ADGRG5: variants seen among roughly 807,000 people sequenced by gnomAD.
ADGRG5 encodes the protein adhesion G protein-coupled receptor G5.
A neutral mutation model predicts 53.2 loss-of-function variants in ADGRG5; 37 were observed. The ratio of observed to expected loss-of-function variants is 0.70; its 90% confidence interval spans 0.53 to 0.91. ADGRG5 has a LOEUF of 0.91. ADGRG5 is among the 40% of genes least tolerant of loss of function. ADGRG5 has a pLI of 0.00. For synonymous variants in ADGRG5, 277 were observed against 290.4 expected (o/e 0.95, Z 0.47); for missense variants, 614 against 675.8 (o/e 0.91, Z 1.01).
chr16:57,554,611 T>A (rs527848614), intron 1 of ADGRG5, among the ~76,000 whole-genome samples: 2 of 152,102 alleles, frequency 1.3e-5, no homozygotes, highest in Admixed American at 1.3e-4. Flanking sequence ...CTCCTGACTT[T>A]GTGATCCGCC....
intron 6 of ADGRG5, chr16:57,565,476 C>A (rs1393503308): frequency 4.9e-6 from 2 of 411,556 alleles, no homozygotes; most frequent in Admixed American, 8.3e-5. Context: ...CCTTGTGGCT[C>A]AGTCTCTCTC....
rs1156812809 is a variant in ADGRG5, at chr16:57,574,206, G to T, written c.1209-609G>T. On this transcript the variant is annotated intron_variant, in intron 10 of 11. Transcript: ENST00000349457. The surrounding 1 kb of genome is among the most constrained non-coding windows in gnomAD (Gnocchi z 4.4). Reference sequence around the variant, plus strand: ...GGCTGGCTTCGGTTAGTTCTCCATGGCTCTCTGCTCAGCCCTCAGTGGGCT... The same window carrying T: ...GGCTGGCTTCGGTTAGTTCTCCATGTCTCTCTGCTCAGCCCTCAGTGGGCT... 6.6e-6 allele frequency among the ~76,000 whole-genome samples: 1 copy of T among 152,208 alleles called. No homozygotes were observed. Among genetic ancestry groups the T allele is most frequent in the African/African-American group, 2.4e-5 (1 of 41,444 alleles).
upstream of ADGRG5, among the ~76,000 whole-genome samples, chr16:57,539,310 A>G (rs1488200836): frequency 2.6e-5 from 4 of 152,178 alleles, no homozygotes; most frequent in Admixed American, 6.5e-5. Context: ...GGTGATTGCT[A>G]AGGGCTTGGG....
At chr16:57,565,000 C>T (rs747761360) in intron 5 of ADGRG5, 34 bp from the exon 6 acceptor site, 10 of 1,332,706 alleles carry the variant, frequency 7.5e-6, no homozygotes, top group Non-Finnish European at 1.1e-5. Context: ...CCCCATTTCC[C>T]CTCCACTCAG....
intron 10 of ADGRG5, 136 bp downstream of exon 10, chr16:57,570,671 A>G (rs918625976): frequency 3.1e-6 from 2 of 648,408 alleles, no homozygotes; most frequent in Admixed American, 4.8e-5. Flanking sequence ...TAGACAGGGG[A>G]GTTTGCAGGG....
chr16:57,573,486 A>G (rs1263571203), intron 10 of ADGRG5, among the ~76,000 whole-genome samples: 1 of 151,474 alleles, frequency 6.6e-6, no homozygotes, highest in Admixed American at 6.6e-5. Context: ...AAAAGCAGAG[A>G]TTGATTGAAA....
upstream of ADGRG5, among the ~76,000 whole-genome samples, chr16:57,540,429 C>A (rs1348400167): frequency 5.9e-5 from 9 of 152,096 alleles, no homozygotes; most frequent in African/African-American, 2.2e-4. Flanking sequence ...GTAAGTAGCC[C>A]CCATATAGGG....
At chr16:57,570,923 G>C (rs549730552) in intron 10 of ADGRG5, among the ~76,000 whole-genome samples, 1 of 152,080 alleles carries the variant, frequency 6.6e-6, no homozygotes, top group Non-Finnish European at 1.5e-5. Flanking sequence ...AACTCCTCCC[G>C]ACCTGCCCTG....
intron 1 of ADGRG5, among the ~76,000 whole-genome samples, chr16:57,560,476 G>A (rs1217141098): frequency 6.6e-6 from 1 of 152,258 alleles, no homozygotes; most frequent in African/African-American, 2.4e-5. Flanking sequence ...AAAAATGGAA[G>A]TAGCTATAGG....
chr16:57,535,116 T>C, the ADGRG5 span, among the ~76,000 whole-genome samples: 1 of 152,090 alleles, frequency 6.6e-6, no homozygotes, highest in Non-Finnish European at 1.5e-5. Flanking sequence ...CAGAGCCCAG[T>C]GGGAAACCAC....
chr16:57,548,075 C>T (rs549697869), intron 1 of ADGRG5, among the ~76,000 whole-genome samples: 1 of 151,976 alleles, frequency 6.6e-6, no homozygotes, highest in East Asian at 1.9e-4. Flanking sequence ...GAAAGGGTCT[C>T]ACTATGTTGC....
At chr16:57,563,446 T>C (rs1234493618) in intron 4 of ADGRG5, among the ~76,000 whole-genome samples, 199 bp downstream of exon 4, 3 of 151,932 alleles carry the variant, frequency 2.0e-5, no homozygotes, top group African/African-American at 4.8e-5. Flanking sequence ...GAAAGGGAGG[T>C]GCTTTATTGC....
chr16:57,575,586 C>A lies in ADGRG5; in HGVS notation c.*48C>A. On this transcript the variant is annotated 3_prime_UTR_variant, in exon 12 of 12. Transcript: ENST00000349457. ...CCTCAGCCTCTCTGGCCGCCAGTAG[C>A]CTGAGGCTACGGCTCCTGCTAGAGA... The A allele has an allele frequency of 6.8e-7, 1 of 1,466,224 alleles. No homozygotes were observed. The highest frequency in any genetic ancestry group is 1.1e-5 in the South Asian group (1 of 87,762). 90.8% of individuals were successfully genotyped at this position (1,466,224 alleles called of 1,614,324 possible).
At position 57,574,954 on chromosome 16, in the gene ADGRG5, G is replaced by A. The variant is rs532410663; in HGVS notation, c.1348G>A (p.Val450Ile). ...RLRERADAPS[V>I]RACHDTVTVL... ...GCGGGAGCGGGCGGATGCACCAAGT[G>A]TCAGGGCCTGCCATGACACTGTCAC... Residue 450 changes from valine to isoleucine, a missense_variant, in exon 11 of 12, where the codon GTC becomes ATC. Transcript: ENST00000349457. This position sits in a 1 kb window ranked among gnomAD's most constrained non-coding sequence, Gnocchi z 4.4. 26 of 1,613,554 alleles carry A rather than the reference G, an allele frequency of 1.6e-5. No homozygotes were observed. Among genetic ancestry groups the A allele is most frequent in the Admixed American group, 1.5e-4 (9 of 59,990 alleles).
At position 57,575,966 on chromosome 16, in the gene ADGRG5, T is replaced by C. The variant is rs568018266; in HGVS notation, c.*428T>C. On this transcript the variant is annotated 3_prime_UTR_variant, in exon 12 of 12. Transcript: ENST00000349457. ...GTTTCAGCCTAACCCAGGAGCTTAG[T>C]AAAAATTGCATAAGACCAGGGGGAA... 1.2e-5 allele frequency: 2 copies of C among 162,190 alleles called. No homozygotes were observed. The highest frequency in any genetic ancestry group is 1.2e-4 in the Admixed American group (2 of 17,090). The allele number at this position is 162,190 out of a possible 1,614,324, so 10.0% of individuals were successfully genotyped here.
chr16:57,570,379 C>T (rs1199035134), intron 9 of ADGRG5, 39 bp from the exon 10 acceptor site: 1 of 1,391,658 alleles, frequency 7.2e-7, no homozygotes, highest in African/African-American at 1.4e-5. Context: ...GAGGGTCAGC[C>T]CTCTCCCACA....
chr16:57,558,502 A>T (rs1306053830), intron 1 of ADGRG5, among the ~76,000 whole-genome samples: 1 of 152,220 alleles, frequency 6.6e-6, no homozygotes, highest in Non-Finnish European at 1.5e-5. Context: ...TGCTTGGTGC[A>T]AGGCTTGTGG....
chr16:57,549,525 C>T (rs1190536885), intron 1 of ADGRG5, among the ~76,000 whole-genome samples: 1 of 152,140 alleles, frequency 6.6e-6, no homozygotes, highest in Non-Finnish European at 1.5e-5. Flanking sequence ...TCTTCTTCAT[C>T]CTCTTAATAT....
intron 6 of ADGRG5, 118 bp from the exon 7 acceptor site, chr16:57,566,481 G>T (rs551387742): frequency 2.2e-6 from 2 of 920,064 alleles, no homozygotes; most frequent in African/African-American, 1.7e-5. Context: ...AGGCCAGCCA[G>T]TGCCTGGTAA....
Sources: gnomAD v4.1 joint callset for allele counts (sites outside exome capture counted in the v4.1 genomes callset) on GRCh38, gnomAD v4.1.1 for gene constraint, Gnocchi (gnomAD v3.1) non-coding constraint, MANE v1.5 for transcripts, NCBI Gene and HGNC (gene_info 2026-07-23, HGNC 2026-07-21) for gene names.